Variants in ATRN observed in about 807,000 individuals in gnomAD.
The protein encoded by ATRN is attractin, also known as attractin-2.
A neutral mutation model predicts 178.7 loss-of-function variants in ATRN; 54 were observed. The ratio of observed to expected loss-of-function variants is 0.30; its 90% CI spans 0.24 to 0.38. The LOEUF is 0.38. Ranked by LOEUF, ATRN falls within the 10% of genes least tolerant of loss-of-function variation. ATRN has a pLI of 1.00. For missense variants in ATRN, 1,443 were observed against 1,815.1 expected (o/e 0.79, Z 3.73); for synonymous variants, 636 against 663.0 (o/e 0.96, Z 0.63).
chr20:3,612,327 TTA>T (rs2086778069), intron 24 of ATRN, among the ~76,000 whole-genome samples: 1 of 152,370 alleles, frequency 6.6e-6, no homozygotes, highest in South Asian at 2.1e-4. Context: ...ATTTTAGATC[TTA>T]TATACCTATG....
intron 1 of ATRN, among the ~76,000 whole-genome samples, chr20:3,483,583 G>A (rs1010551963): frequency 1.3e-5 from 2 of 152,120 alleles, no homozygotes; most frequent in Non-Finnish European, 2.9e-5. Context: ...CCTGGCCTAA[G>A]CAATTTGCCT....
chr20:3,497,567 C>T (rs1189429735), intron 1 of ATRN, among the ~76,000 whole-genome samples: 2 of 151,962 alleles, frequency 1.3e-5, no homozygotes, highest in East Asian at 1.9e-4. Flanking sequence ...GTGGGTAACC[C>T]GACCTTTCTC....
chr20:3,527,969 G>A (rs2085393711), intron 1 of ATRN, among the ~76,000 whole-genome samples: 1 of 152,156 alleles, frequency 6.6e-6, no homozygotes, highest in Non-Finnish European at 1.5e-5. Flanking sequence ...ACCTAATGTA[G>A]ATGACGGCTT....
chr20:3,492,870 C>CGCGT (rs1555807926), intron 1 of ATRN, among the ~76,000 whole-genome samples: 63 of 113,278 alleles, frequency 5.6e-4, no homozygotes, highest in Non-Finnish European at 9.5e-4. Context: ...CGCGCGCGTG[C>CGCGT]GCACGCACAC....
chr20:3,490,921 T>C, intron 1 of ATRN: 2 of 1,330,918 alleles, frequency 1.5e-6, no homozygotes, highest in Non-Finnish European at 2.2e-6. Context: ...GTGGACTTCT[T>C]AGTGAGCATC....
intron 11 of ATRN, among the ~76,000 whole-genome samples, chr20:3,566,228 C>T (rs1452496451): frequency 2.0e-5 from 3 of 152,106 alleles, no homozygotes; most frequent in Admixed American, 6.5e-5. Flanking sequence ...AGTCTGTAGG[C>T]TCTGGATAAT....
Position 3,646,935 on chromosome 20 carries a change from G to A in ATRN, c.*88G>A, listed in dbSNP as rs1373387345. ...GGAAGGGCGTGGCGGGGAAATGGCT[G>A]TGCGGTGCGGGACGGAAGACTGGAA... On this transcript the variant is annotated 3_prime_UTR_variant, in exon 29 of 29. Transcript: ENST00000262919. The A allele has an allele frequency of 1.3e-6, 2 of 1,531,262 alleles. No homozygotes were observed. Among genetic ancestry groups the A allele is most frequent in the Admixed American group, 3.9e-5 (2 of 51,198 alleles). 94.9% of individuals were successfully genotyped at this position (1,531,262 alleles called of 1,614,324 possible). A position where few individuals can be genotyped will look rare whatever the true frequency, so the allele number is the denominator to read the frequency against.
intron 24 of ATRN, among the ~76,000 whole-genome samples, chr20:3,609,714 A>ATGTGTGTGTGTG (rs34028518): frequency 5.5e-4 from 80 of 146,224 alleles, no homozygotes; most frequent in African/African-American, 1.8e-3. Context: ...GTATGTATGT[A>ATGTGTGTGTGTG]TGTGTGTGTG....
chr20:3,512,981 T>G (rs1230728883), intron 1 of ATRN, among the ~76,000 whole-genome samples: 4 of 152,190 alleles, frequency 2.6e-5, no homozygotes, highest in Non-Finnish European at 4.4e-5. Flanking sequence ...TAAATTTGTT[T>G]GAGTTCTTTG....
At chr20:3,475,117 A>G (rs1170884192) in intron 1 of ATRN, among the ~76,000 whole-genome samples, 1 of 151,420 alleles carries the variant, frequency 6.6e-6, no homozygotes, top group Non-Finnish European at 1.5e-5. Flanking sequence ...AGTGGCTTGT[A>G]TCTTGATTGA....
At chr20:3,615,290 G>A (rs1191465992) in intron 24 of ATRN, among the ~76,000 whole-genome samples, 1 of 151,652 alleles carries the variant, frequency 6.6e-6, no homozygotes. Context: ...TTAGCTGGGC[G>A]TGGTGAAGTG....
chr20:3,517,413 T>G (rs1264191401), intron 1 of ATRN, among the ~76,000 whole-genome samples: 1 of 152,224 alleles, frequency 6.6e-6, no homozygotes, highest in Non-Finnish European at 1.5e-5. Context: ...GAGAATTCTT[T>G]TTACTTTTTC....
At chr20:3,500,422 A>G (rs953959191) in intron 1 of ATRN, among the ~76,000 whole-genome samples, 16 of 152,000 alleles carry the variant, frequency 1.1e-4, no homozygotes, top group African/African-American at 3.9e-4. Context: ...AATAGCAAAG[A>G]CTTGGAACCA....
chr20:3,559,158 C>T (rs908941698), intron 6 of ATRN, among the ~76,000 whole-genome samples: 3 of 152,174 alleles, frequency 2.0e-5, no homozygotes, highest in African/African-American at 7.2e-5. Flanking sequence ...TTAGAACCTT[C>T]CAGTAGCTTT....
chr20:3,516,514 T>G (rs237406), intron 1 of ATRN, among the ~76,000 whole-genome samples: 40,671 of 152,134 alleles, frequency 0.27, 5,996 homozygotes, highest in African/African-American at 0.33. Flanking sequence ...AGTTTTAAAA[T>G]TGTTCATTTT....
At chr20:3,520,642 G>A (rs1171992835) in intron 1 of ATRN, among the ~76,000 whole-genome samples, 2 of 152,044 alleles carry the variant, frequency 1.3e-5, no homozygotes, top group African/African-American at 4.8e-5. Context: ...TTATAGGAGT[G>A]TGCCACCATG....
rs1340617713 is a variant in ATRN, at chr20:3,547,457, T to A, written c.911T>A (p.Val304Asp). 1.9e-6 allele frequency: 3 copies of A among 1,614,148 alleles called. No individual in the cohort carries two copies. Among genetic ancestry groups the A allele is most frequent in the South Asian group, 2.2e-5 (2 of 91,080 alleles). ...CGAGGCATCTGCAATTCAAGTGATGTCAGAGGATGCTCCTGCTTCTCAGAC... is the reference window on the plus strand; with the variant it reads ...CGAGGCATCTGCAATTCAAGTGATGACAGAGGATGCTCCTGCTTCTCAGAC... The part of the protein sequence containing the change: ...PHRGICNSSD[V>D]RGCSCFSDWQ... The change falls in exon 5 of 29, where the codon GTC becomes GAC. Residue 304 changes from valine to aspartate, a missense_variant. Around this residue, in one of 4 missense-constraint regions of ATRN, gnomAD observed 862 missense variants for 972.1 expected, o/e 0.89. Transcript: ENST00000262919.
At chr20:3,503,366 C>T (rs2084990183) in intron 1 of ATRN, among the ~76,000 whole-genome samples, 1 of 152,086 alleles carries the variant, frequency 6.6e-6, no homozygotes, top group Admixed American at 6.6e-5. Flanking sequence ...CAAATTGAAT[C>T]AGAAAAGACA....
At position 3,471,170 on chromosome 20, in the gene ATRN, G is replaced by C; in HGVS notation, c.63G>C (p.Ala21=). Residue 21 remains alanine (A), a synonymous_variant, in exon 1 of 29, where the codon GCG becomes GCC. Transcript: ENST00000262919. Reference sequence around the variant, plus strand: ...GGAGGAGGACGGCGGCGACGGCAGCGCTCGCGGGCAGGAGCGGCGGGCCGC... The same window carrying C: ...GGAGGAGGACGGCGGCGACGGCAGCCCTCGCGGGCAGGAGCGGCGGGCCGC... ...RLRRRTAATA[A]LAGRSGGPHW... is the part of the protein sequence containing the mutation. 1 of 1,503,938 alleles carries C rather than the reference G, an allele frequency of 6.6e-7. No individual in the cohort carries two copies. The highest frequency in any genetic ancestry group is 8.8e-7 in the Non-Finnish European group (1 of 1,133,294). 93.2% of individuals were successfully genotyped at this position (1,503,938 alleles called of 1,614,324 possible). A position where few individuals can be genotyped will look rare whatever the true frequency, so the allele number is the denominator to read the frequency against.
Sources: allele counts gnomAD v4.1 joint callset (sites outside exome capture counted in the v4.1 genomes callset), GRCh38; gene constraint gnomAD v4.1.1; regional missense constraint gnomAD v4.1.1; transcripts MANE v1.5; gene names NCBI Gene and HGNC (gene_info 2026-07-23, HGNC 2026-07-21).